VRTN: variants seen among roughly 807,000 people sequenced by gnomAD.
VRTN encodes the protein vertnin.
In VRTN, 5 loss-of-function variants were observed where a neutral mutation model predicts 18.2. That is an observed-to-expected ratio of 0.27 (90% CI 0.14 to 0.58). The LOEUF is 0.58. Ranked by LOEUF, VRTN falls within the 20% of genes least tolerant of loss-of-function variation. The pLI is 0.91. For synonymous variants in VRTN, 381 were observed against 393.7 expected (o/e 0.97, Z 0.38); for missense variants, 741 against 939.4 (o/e 0.79, Z 2.76).
chr14:74,339,481 G>A (rs1802979611), intron 2 of VRTN, among the ~76,000 whole-genome samples: 1 of 151,910 alleles, frequency 6.6e-6, no homozygotes, highest in Admixed American at 6.6e-5. Context: ...GGTGGAGGAG[G>A]GGGAGAGAAA....
At chr14:74,344,244 T>TCCAAAAAAAA (rs760737512), upstream of VRTN, among the ~76,000 whole-genome samples, 2 of 2,478 alleles carry the variant, frequency 8.1e-4, no homozygotes, top group East Asian at 1.8e-3. Context: ...CTCTGCTTTC[T>TCCAAAAAAAA]ACAAAAAAAA....
Position 74,358,425 on chromosome 14 carries a change from G to A in VRTN, c.1642G>A (p.Ala548Thr). 6.2e-7 allele frequency: 1 copy of A among 1,614,184 alleles called. No individual in the cohort carries two copies. The highest frequency in any genetic ancestry group is 8.5e-7 in the Non-Finnish European group (1 of 1,180,030). ...PSAFWVWKSLARGWPRGLSKL... is the reference protein window; with the variant it reads ...PSAFWVWKSLTRGWPRGLSKL... ...TGCCTTTTGGGTCTGGAAGAGTCTTGCTCGGGGTTGGCCCAGAGGCCTGTC... is the reference window on the plus strand; with the variant it reads ...TGCCTTTTGGGTCTGGAAGAGTCTTACTCGGGGTTGGCCCAGAGGCCTGTC... Residue 548 changes from alanine (A) to threonine (T), a missense_variant, in exon 2 of 2, where the codon GCT (alanine) becomes ACT (threonine). This residue lies in a region of VRTN where 494 missense variants were observed against 546.5 expected (regional missense o/e 0.90). Transcript: ENST00000256362. This position sits in a 1 kb window ranked among gnomAD's most constrained non-coding sequence, Gnocchi z 5.4.
chr14:74,314,394 C>CTT lies in VRTN; in HGVS notation c.-164+11237_-164+11238dup, dbSNP rs10676222. On this transcript the variant is annotated intron_variant, in intron 1 of 2. Coordinates refer to the VRTN transcript ENST00000557177. ...CAAAAGACTCAAGAAAAAAACTGTT[C>CTT]TTTTTTTTTTTTTTTTTTTTGAGAT... Among the ~76,000 whole-genome samples, 646 of 108,754 alleles carry CTT rather than the reference C, an allele frequency of 5.9e-3. 26 individuals are homozygous for CTT. The highest frequency in any genetic ancestry group is 0.047 in the East Asian group (168 of 3,568). The allele number at this position is 108,754 out of a possible 152,430, so 71.3% of individuals were successfully genotyped here. A position where few individuals can be genotyped will look rare whatever the true frequency, so the allele number is the denominator to read the frequency against.
At position 74,357,443 on chromosome 14, in the gene VRTN, C is replaced by G; in HGVS notation, c.660C>G (p.Ile220Met). 1 of 1,612,238 alleles carries G rather than the reference C, an allele frequency of 6.2e-7. No homozygotes were observed. Among genetic ancestry groups the G allele is most frequent in the South Asian group, 1.1e-5 (1 of 91,080 alleles). Reference sequence around the variant, plus strand: ...ACCACGTGCCCTCCACGCTGCACATCATGTGGGCTGGCCAGCCCCTCACCA... The same window carrying G: ...ACCACGTGCCCTCCACGCTGCACATGATGTGGGCTGGCCAGCCCCTCACCA... ...RCDHVPSTLH[I>M]MWAGQPLTSH... The change falls in exon 2 of 2, where the codon ATC (isoleucine) becomes ATG (methionine). Residue 220 changes from isoleucine to methionine, a missense_variant. Physicochemically the swap from Ile to Met is conservative, Grantham distance 10. Around this residue, in one of 3 missense-constraint regions of VRTN, gnomAD observed 494 missense variants for 546.5 expected, o/e 0.90. Transcript: ENST00000256362. The surrounding 1 kb of genome is among the most constrained non-coding windows in gnomAD (Gnocchi z 7.8).
chr14:74,350,852 G>T (rs745793250), intron 1 of VRTN, among the ~76,000 whole-genome samples: 36 of 152,170 alleles, frequency 2.4e-4, no homozygotes, highest in Non-Finnish European at 4.3e-4. Context: ...ATGCTTGAGG[G>T]TGAAAAGCTG....
At chr14:74,343,633 A>G (rs1262436221), upstream of VRTN, among the ~76,000 whole-genome samples, 1 of 152,206 alleles carries the variant, frequency 6.6e-6, no homozygotes, top group African/African-American at 2.4e-5. Flanking sequence ...ACGCCCATGC[A>G]TTAAATGGAG....
At chr14:74,345,346 ATTTTTTTTTT>A (rs34124259), upstream of VRTN, among the ~76,000 whole-genome samples, 1 of 94,648 alleles carries the variant, frequency 1.1e-5, no homozygotes, top group Non-Finnish European at 2.0e-5. Context: ...CACCCTGCCT[ATTTTTTTTTT>A]TTTTTTTTTT....
At chr14:74,331,544 T>TATATATATATA (rs1555411068) in intron 1 of VRTN, among the ~76,000 whole-genome samples, 10 of 43,480 alleles carry the variant, frequency 2.3e-4, no homozygotes, top group Non-Finnish European at 4.9e-4. Flanking sequence ...AAAAAAAATT[T>TATATATATATA]TATATATATA....
chr14:74,340,523 G>A (rs574975945), intron 2 of VRTN, among the ~76,000 whole-genome samples: 32 of 152,274 alleles, frequency 2.1e-4, no homozygotes, highest in African/African-American at 6.7e-4. Flanking sequence ...GATTACAGGC[G>A]TGAGCCACCA....
chr14:74,314,501 A>G (rs1331330661), intron 1 of VRTN, among the ~76,000 whole-genome samples: 1 of 150,748 alleles, frequency 6.6e-6, no homozygotes, highest in African/African-American at 2.5e-5. Flanking sequence ...GGTTCAAGCA[A>G]TTCTCCTGCC....
intron 2 of VRTN, among the ~76,000 whole-genome samples, chr14:74,339,641 C>T (rs1011280765): frequency 6.6e-6 from 1 of 151,998 alleles, no homozygotes; most frequent in African/African-American, 2.4e-5. Context: ...TAGTGAGGCA[C>T]CATCTCTACT....
chr14:74,355,676 A>G (rs927723179), intron 1 of VRTN, among the ~76,000 whole-genome samples: 4 of 151,884 alleles, frequency 2.6e-5, no homozygotes, highest in African/African-American at 4.8e-5. Context: ...CTGAGATTAC[A>G]GGTGCATTCC....
At chr14:74,348,246 ATCTTTCAACTT>A (rs571391073), upstream of VRTN, among the ~76,000 whole-genome samples, 40 of 152,048 alleles carry the variant, frequency 2.6e-4, no homozygotes, top group Middle Eastern at 3.4e-3. Flanking sequence ...CTCTTTGGAA[ATCTTTCAACTT>A]TCTTTCAACT....
intron 1 of VRTN, among the ~76,000 whole-genome samples, chr14:74,335,302 G>A (rs957610006): frequency 6.6e-5 from 10 of 152,076 alleles, no homozygotes; most frequent in African/African-American, 2.2e-4. Context: ...AATAGAATAT[G>A]GGAAGCCATG....
intron 1 of VRTN, among the ~76,000 whole-genome samples, chr14:74,336,419 G>A (rs889238726): frequency 1.3e-5 from 2 of 150,432 alleles, no homozygotes; most frequent in African/African-American, 2.4e-5. Flanking sequence ...AAAAAAACCC[G>A]CCTCTTTCCA....
intron 1 of VRTN, among the ~76,000 whole-genome samples, chr14:74,315,313 A>C (rs983644481): frequency 6.6e-6 from 1 of 152,116 alleles, no homozygotes; most frequent in Non-Finnish European, 1.5e-5. Context: ...TCCCAGATTC[A>C]TGCGAGTCTT....
At chr14:74,315,861 C>A (rs2085416487) in intron 1 of VRTN, among the ~76,000 whole-genome samples, 1 of 152,112 alleles carries the variant, frequency 6.6e-6, no homozygotes, top group African/African-American at 2.4e-5. Context: ...CCTACTACAG[C>A]CTCAGCCGAC....
At chr14:74,326,709 A>T (rs1324624664) in intron 1 of VRTN, among the ~76,000 whole-genome samples, 1 of 135,956 alleles carries the variant, frequency 7.4e-6, no homozygotes, top group East Asian at 2.3e-4. Flanking sequence ...TGCCAGCTCC[A>T]GGGAGTGCTA....
At chr14:74,353,659 A>T (rs867593582) in intron 1 of VRTN, among the ~76,000 whole-genome samples, 5 of 152,236 alleles carry the variant, frequency 3.3e-5, no homozygotes, top group Non-Finnish European at 7.3e-5. Flanking sequence ...AATAAATTTT[A>T]AAAAGCCTGT....
Sources: gnomAD v4.1 joint callset for allele counts (sites outside exome capture counted in the v4.1 genomes callset) on GRCh38, gnomAD v4.1.1 for gene constraint, gnomAD v4.1.1 regional missense constraint, Gnocchi (gnomAD v3.1) non-coding constraint, MANE v1.5 for transcripts, NCBI Gene and HGNC (gene_info 2026-07-23, HGNC 2026-07-21) for gene names.